CALN1: variants seen among roughly 807,000 people sequenced by gnomAD.
The protein encoded by CALN1 is calcium-binding protein 8.
Under a neutral mutation model 30.6 loss-of-function variants are expected in CALN1, and 17 were observed. The ratio of observed to expected loss-of-function variants is 0.56; its 90% CI spans 0.38 to 0.83. The LOEUF (loss-of-function observed/expected upper bound fraction) is 0.83, where lower values mean the gene tolerates loss of function less well. Ranked by LOEUF, CALN1 falls within the 40% of genes least tolerant of loss-of-function variation. CALN1 has a pLI of 0.00. For synonymous variants in CALN1, 156 were observed against 131.4 expected (o/e 1.19, Z -1.28); for missense variants, 291 against 354.9 (o/e 0.82, Z 1.45).
chr7:72,408,391 G>A (rs1482064395), intron 1 of CALN1, among the ~76,000 whole-genome samples: 1 of 151,980 alleles, frequency 6.6e-6, no homozygotes, highest in Non-Finnish European at 1.5e-5. Context: ...GTTGCAGTGA[G>A]CTGAGATCAC....
intron 5 of CALN1, among the ~76,000 whole-genome samples, chr7:72,008,521 C>A (rs1325141686): frequency 6.6e-6 from 1 of 151,548 alleles, no homozygotes; most frequent in African/African-American, 2.4e-5. Context: ...AAGAGAAAAG[C>A]TGAAAATACT....
At chr7:72,495,139 C>A in the CALN1 span, among the ~76,000 whole-genome samples, 2 of 152,194 alleles carry the variant, frequency 1.3e-5, no homozygotes, top group Non-Finnish European at 2.9e-5. Context: ...TGGAGTCTGA[C>A]CATTGCGTGA....
chr7:71,942,892 C>T (rs928615397), intron 5 of CALN1, among the ~76,000 whole-genome samples: 1 of 152,146 alleles, frequency 6.6e-6, no homozygotes, highest in African/African-American at 2.4e-5. Flanking sequence ...TCTGATTTGC[C>T]TCCTTTGGAA....
At chr7:72,438,763 T>C (rs915872747) in intron 1 of CALN1, among the ~76,000 whole-genome samples, 2 of 152,200 alleles carry the variant, frequency 1.3e-5, no homozygotes, top group African/African-American at 4.8e-5. Context: ...CTCTCCAGAT[T>C]CTACCTTCTG....
chr7:72,467,121 G>A, the CALN1 span, among the ~76,000 whole-genome samples: 1 of 152,132 alleles, frequency 6.6e-6, no homozygotes, highest in Non-Finnish European at 1.5e-5. Context: ...TACAAGGAGA[G>A]CAGCACTGGG....
At chr7:72,244,727 ATATAGT>A (rs777774881) in intron 3 of CALN1, among the ~76,000 whole-genome samples, 2 of 151,914 alleles carry the variant, frequency 1.3e-5, no homozygotes, top group Non-Finnish European at 1.5e-5. Flanking sequence ...GACAGAGAAA[ATATAGT>A]TATAAGTAGC....
intron 5 of CALN1, among the ~76,000 whole-genome samples, chr7:72,018,748 G>A (rs1800542486): frequency 1.3e-5 from 2 of 152,168 alleles, no homozygotes; most frequent in South Asian, 4.1e-4. Context: ...ATAAATAGCT[G>A]TTTTTGCTGA....
intron 4 of CALN1, among the ~76,000 whole-genome samples, chr7:72,046,709 T>TAAA (rs59664699): frequency 0.015 from 798 of 51,856 alleles, 24 homozygotes; most frequent in Non-Finnish European, 0.024. Context: ...GACTCCCTCT[T>TAAA]AAAAAAAAAA....
At position 72,058,552 on chromosome 7, in the gene CALN1, C is replaced by T. The variant is rs376778527; in HGVS notation, c.389-34783G>A. Among the ~76,000 whole-genome samples the T allele has an allele frequency of 2.3e-4, 35 of 152,030 alleles. 1 individual carries two copies. Among genetic ancestry groups the T allele is most frequent in the African/African-American group, 8.0e-4 (33 of 41,474 alleles). ...CAGGCTGATCTCAAACTCCTGACCT[C>T]AGGTGATCTGCCTGCCTCGGCCTCC... On this transcript the variant is annotated intron_variant, in intron 4 of 6. Coordinates refer to ENST00000395275, the MANE Select transcript of CALN1 (RefSeq NM_031468.4).
intron 3 of CALN1, among the ~76,000 whole-genome samples, chr7:72,144,961 C>T (rs940019725): frequency 1.3e-5 from 2 of 152,096 alleles, no homozygotes; most frequent in Admixed American, 6.5e-5. Flanking sequence ...CTCTGGGACA[C>T]ATTTAAAGCA....
intron 5 of CALN1, among the ~76,000 whole-genome samples, chr7:71,825,636 A>G (rs939943557): frequency 6.6e-6 from 1 of 152,136 alleles, no homozygotes; most frequent in Non-Finnish European, 1.5e-5. Flanking sequence ...CCTGCCAAGA[A>G]CAGAGAGACA....
At chr7:71,858,282 G>T (rs775732236) in intron 5 of CALN1, among the ~76,000 whole-genome samples, 1 of 152,102 alleles carries the variant, frequency 6.6e-6, no homozygotes, top group South Asian at 2.1e-4. Flanking sequence ...TGCCGTGATT[G>T]TAAGTTTCCT....
At chr7:71,998,438 A>C (rs943149136) in intron 5 of CALN1, among the ~76,000 whole-genome samples, 1 of 152,170 alleles carries the variant, frequency 6.6e-6, no homozygotes, top group Admixed American at 6.5e-5. Flanking sequence ...CAAGACAATG[A>C]TATTTAAGAG....
intron 2 of CALN1, among the ~76,000 whole-genome samples, chr7:72,398,092 G>A (rs377271878): frequency 1.3e-5 from 2 of 152,166 alleles, no homozygotes; most frequent in Admixed American, 1.3e-4. Flanking sequence ...ACCTGTTAGG[G>A]ACAGGGAAGA....
At chr7:72,396,521 G>A (rs182858291) in intron 2 of CALN1, among the ~76,000 whole-genome samples, 13 of 152,160 alleles carry the variant, frequency 8.5e-5, no homozygotes, top group African/African-American at 2.9e-4. Context: ...GGACGGAGGA[G>A]GTATAATTGA....
At chr7:72,185,665 C>A (rs180755411) in intron 3 of CALN1, among the ~76,000 whole-genome samples, 1 of 152,160 alleles carries the variant, frequency 6.6e-6, no homozygotes, top group African/African-American at 2.4e-5. Flanking sequence ...ATAATTCCCA[C>A]GTGTTGTGGG....
chr7:71,992,633 T>C (rs1240456328), intron 5 of CALN1, among the ~76,000 whole-genome samples: 3 of 152,214 alleles, frequency 2.0e-5, no homozygotes, highest in East Asian at 3.8e-4. Context: ...AATGGGATTA[T>C]ATGTGTAAGC....
chr7:72,140,145 C>A (rs1264275296), intron 3 of CALN1, among the ~76,000 whole-genome samples: 1 of 151,916 alleles, frequency 6.6e-6, no homozygotes, highest in African/African-American at 2.4e-5. Flanking sequence ...GTGCTGAACA[C>A]TTACAGTCCC....
intron 4 of CALN1, among the ~76,000 whole-genome samples, chr7:72,088,581 C>T (rs1805633602): frequency 6.6e-6 from 1 of 151,626 alleles, no homozygotes; most frequent in Non-Finnish European, 1.5e-5. Flanking sequence ...TGCCTGTAAT[C>T]CGACCTACTC....
Sources: allele counts gnomAD v4.1 joint callset (sites outside exome capture counted in the v4.1 genomes callset), GRCh38; gene constraint gnomAD v4.1.1; transcripts MANE v1.5; gene names NCBI Gene and HGNC (gene_info 2026-07-23, HGNC 2026-07-21).